CPE: variants seen among roughly 807,000 people sequenced by gnomAD.
CPE encodes carbocypeptidase E.
CPE carries 17 observed loss-of-function variants against 53.5 expected under a neutral mutation model. That is an observed-to-expected ratio of 0.32 (90% CI 0.22 to 0.48). The LOEUF (loss-of-function observed/expected upper bound fraction) is 0.48, where lower values mean the gene tolerates loss of function less well. CPE is among the 20% of genes least tolerant of loss of function. CPE has a pLI of 0.99. For synonymous variants in CPE, 226 were observed against 228.8 expected, an observed-to-expected ratio of 0.99 and a Z score of 0.11; for missense variants, 524 against 614.7, an observed-to-expected ratio of 0.85 and a Z score of 1.56.
Position 165,405,931 on chromosome 4 carries a change from C to T in CPE, c.307+26403C>T, listed in dbSNP as rs556054992. 5.5e-6 allele frequency: 4 copies of T among 730,218 alleles called. 1 individual carries two copies. In the East Asian group the frequency reaches 7.8e-5, roughly 14 times the overall value. 45.2% of individuals were successfully genotyped at this position (730,218 alleles called of 1,614,324 possible). On this transcript the variant is annotated intron_variant, in intron 1 of 8. Coordinates refer to ENST00000402744, the MANE Select transcript of CPE (RefSeq NM_001873.4). Reference sequence around the variant, plus strand: ...AATGGCAGGATCCACTGATGGCAGTCACAACAGGCTTTATGGACTTTTCAA... The same window carrying T: ...AATGGCAGGATCCACTGATGGCAGTTACAACAGGCTTTATGGACTTTTCAA...
chr4:165,423,855 C>T (rs1164844479), intron 1 of CPE, among the ~76,000 whole-genome samples: 1 of 142,808 alleles, frequency 7.0e-6, no homozygotes, highest in East Asian at 2.1e-4. Context: ...CATATGTTCT[C>T]ATTGTTCAAT....
intron 8 of CPE, among the ~76,000 whole-genome samples, chr4:165,497,070 C>T (rs182168526): frequency 2.3e-4 from 35 of 152,108 alleles, no homozygotes; most frequent in African/African-American, 7.0e-4. Flanking sequence ...TTACAGCGTG[C>T]GCCACCGTGC....
rs73860769 is a variant in CPE at position 165,450,661 on chromosome 4, C to T, written c.308-13729C>T. Among the ~76,000 whole-genome samples the T allele has an allele frequency of 6.0e-3, 914 of 152,280 alleles. 8 individuals are homozygous for T. Among genetic ancestry groups the T allele is most frequent in the African/African-American group, 0.02 (814 of 41,544 alleles). ...GCAATACGCTTTCCTGTCATCTGAA[C>T]AGTTCTGGAGTATCATAGGATTATT... On this transcript the variant is annotated intron_variant, in intron 1 of 8. Transcript: ENST00000402744.
At chr4:165,425,125 G>A (rs568133462) in intron 1 of CPE, among the ~76,000 whole-genome samples, 1 of 152,176 alleles carries the variant, frequency 6.6e-6, no homozygotes, top group East Asian at 1.9e-4. Flanking sequence ...TGATCTGCCT[G>A]CCTTGACCTC....
intron 6 of CPE, among the ~76,000 whole-genome samples, chr4:165,489,759 A>T (rs556263368): frequency 6.6e-6 from 1 of 152,360 alleles, no homozygotes; most frequent in East Asian, 1.9e-4. Flanking sequence ...TGTCATACTT[A>T]TGGTAGCAGG....
intron 1 of CPE, among the ~76,000 whole-genome samples, chr4:165,395,288 AT>A (rs1730744739): frequency 6.6e-6 from 1 of 152,244 alleles, no homozygotes; most frequent in African/African-American, 2.4e-5. Context: ...TGGTGAAAGT[AT>A]TAAGTCTGAA....
At chr4:165,386,932 A>G (rs1275958028) in intron 1 of CPE, among the ~76,000 whole-genome samples, 1 of 152,192 alleles carries the variant, frequency 6.6e-6, no homozygotes, top group Non-Finnish European at 1.5e-5. Context: ...TTGAAATGCC[A>G]CAGAGGAGGA....
intron 4 of CPE, among the ~76,000 whole-genome samples, chr4:165,482,596 C>T (rs183679261): frequency 1.3e-5 from 2 of 152,284 alleles, no homozygotes; most frequent in East Asian, 3.9e-4. Flanking sequence ...GTGATCTTGA[C>T]AGTACCTAGC....
In CPE at chr4:165,442,863, A is replaced by T. The variant is rs148405285; in HGVS notation, c.308-21527A>T. Among the ~76,000 whole-genome samples, 1,137 of 152,292 alleles carry T rather than the reference A, an allele frequency of 7.5e-3. 17 individuals are homozygous for T. Among genetic ancestry groups the T allele is most frequent in the African/African-American group, 0.026 (1,080 of 41,564 alleles). On this transcript the variant is annotated intron_variant, in intron 1 of 8. Coordinates refer to ENST00000402744, the MANE Select transcript of CPE (RefSeq NM_001873.4). ...GCCATTAAGTCAGAGCACTATGAGA[A>T]TCCCTATATTACCTTGAGGAAGAAC... is the stretch of plus-strand genomic sequence containing the variant.
chr4:165,422,649 T>C (rs566945774), intron 1 of CPE, among the ~76,000 whole-genome samples: 1 of 152,154 alleles, frequency 6.6e-6, no homozygotes, highest in African/African-American at 2.4e-5. Flanking sequence ...TTTATACATT[T>C]TAGGAAGAAA....
intron 1 of CPE, among the ~76,000 whole-genome samples, chr4:165,463,257 A>G (rs1732039818): frequency 6.6e-6 from 1 of 152,220 alleles, no homozygotes; most frequent in African/African-American, 2.4e-5. Context: ...AGAGAAAATT[A>G]GATTATGTAT....
intron 4 of CPE, among the ~76,000 whole-genome samples, chr4:165,484,021 T>G (rs1261421252): frequency 2.0e-5 from 3 of 152,184 alleles, no homozygotes; most frequent in Non-Finnish European, 4.4e-5. Context: ...TTAAAAAATA[T>G]AAAACCAGAT....
intron 1 of CPE, among the ~76,000 whole-genome samples, chr4:165,458,834 A>G (rs551095383): frequency 6.6e-6 from 1 of 152,366 alleles, no homozygotes; most frequent in South Asian, 2.1e-4. Flanking sequence ...TTAGATAGGT[A>G]GACAGACTGA....
chr4:165,438,898 A>C (rs1452864003), intron 1 of CPE, among the ~76,000 whole-genome samples: 1 of 152,142 alleles, frequency 6.6e-6, no homozygotes, highest in Non-Finnish European at 1.5e-5. Context: ...AGAGGTAGAG[A>C]TGCATAGTTC....
intron 1 of CPE, among the ~76,000 whole-genome samples, chr4:165,428,955 G>C (rs528039695): frequency 6.6e-6 from 1 of 152,116 alleles, no homozygotes; most frequent in South Asian, 2.1e-4. Flanking sequence ...TCAGGGATTA[G>C]GGCATGGATA....
At chr4:165,453,201 G>T (rs952361570) in intron 1 of CPE, among the ~76,000 whole-genome samples, 1 of 151,776 alleles carries the variant, frequency 6.6e-6, no homozygotes, top group African/African-American at 2.4e-5. Flanking sequence ...CTCGTGATCC[G>T]CCCACCTCGG....
Position 165,418,026 on chromosome 4 carries a change from C to T in CPE, c.307+38498C>T, listed in dbSNP as rs1473739507. Among the ~76,000 whole-genome samples, 4 of 152,150 alleles carry T rather than the reference C, an allele frequency of 2.6e-5. No individual in the cohort carries two copies. In the East Asian group the frequency reaches 7.7e-4, roughly 29 times the overall value. Reference sequence around the variant, plus strand: ...TTGGAATTGAATTCTGACAGGTGGACTGAGAGTTTTTTGTCCTCTAAGCCT... The same window carrying T: ...TTGGAATTGAATTCTGACAGGTGGATTGAGAGTTTTTTGTCCTCTAAGCCT... On this transcript the variant is annotated intron_variant, in intron 1 of 8. Coordinates refer to ENST00000402744, the MANE Select transcript of CPE (RefSeq NM_001873.4).
In CPE at chr4:165,480,770, G is replaced by C. The variant is rs552247441; in HGVS notation, c.673-1472G>C. Among the ~76,000 whole-genome samples the C allele has an allele frequency of 4.7e-3, 717 of 151,812 alleles. 4 individuals carry two copies. Among genetic ancestry groups the C allele is most frequent in the Non-Finnish European group, 7.9e-3 (539 of 67,934 alleles). ...GCCATTAAAATATCATTTTAGAAGG[G>C]TATTTAATAACATGAAAAGGTGTTC... is the stretch of plus-strand genomic sequence containing the variant. On this transcript the variant is annotated intron_variant, in intron 3 of 8. Transcript: ENST00000402744.
intron 1 of CPE, among the ~76,000 whole-genome samples, chr4:165,418,031 A>G (rs1176976620): frequency 6.6e-6 from 1 of 152,194 alleles, no homozygotes; most frequent in Non-Finnish European, 1.5e-5. Flanking sequence ...GTGGACTGAG[A>G]GTTTTTTGTC....
Sources: gnomAD v4.1 joint callset for allele counts (sites outside exome capture counted in the v4.1 genomes callset) on GRCh38, gnomAD v4.1.1 for gene constraint, MANE v1.5 for transcripts, NCBI Gene and HGNC (gene_info 2026-07-23, HGNC 2026-07-21) for gene names.